Variants in RIMBP2 observed in about 807,000 individuals in gnomAD.
RIMBP2 encodes the protein RIMS-binding protein 2.
A neutral mutation model predicts 118.6 loss-of-function variants in RIMBP2; 48 were observed. The ratio of observed to expected loss-of-function variants is 0.40; its 90% CI spans 0.32 to 0.51. RIMBP2 has a LOEUF of 0.51. RIMBP2 is among the 20% of genes least tolerant of loss of function. The pLI, the probability that RIMBP2 is intolerant of heterozygous loss-of-function variation, is 0.41. For synonymous variants in RIMBP2, 762 were observed against 742.9 expected, an observed-to-expected ratio of 1.03 and a Z score of -0.42; for missense variants, 1,551 against 1,768.3, an observed-to-expected ratio of 0.88 and a Z score of 2.20.
intron 4 of RIMBP2, among the ~76,000 whole-genome samples, chr12:130,489,834 T>C (rs2048456982): frequency 6.6e-6 from 1 of 152,138 alleles, no homozygotes; most frequent in Non-Finnish European, 1.5e-5. Flanking sequence ...TGATGACACA[T>C]TTCTATCACT....
In RIMBP2 at chr12:130,630,272, TACAG is replaced by T. The variant is rs559620906; in HGVS notation, c.-351-1820_-351-1817del. Among the ~76,000 whole-genome samples the T allele has an allele frequency of 1.1e-4, 17 of 151,704 alleles. No individual in the cohort carries two copies. The East Asian group carries it at 1.7e-3, about 16-fold the overall frequency. On this transcript the variant is annotated intron_variant, in intron 1 of 22. Transcript: ENST00000690449. ...ATCAGCTGACTGATGCCCAGCCAAC[TACAG>T]AAAGAGTTATTGTCAAGTTAATTAA...
intron 1 of RIMBP2, among the ~76,000 whole-genome samples, chr12:130,661,648 A>T (rs11829654): frequency 0.3 from 45,750 of 151,990 alleles, 7,200 homozygotes; most frequent in Middle Eastern, 0.37. Flanking sequence ...ACTACACGCA[A>T]TGACCCTATC....
At chr12:130,414,062 G>GC in intron 18 of RIMBP2, 63 bp downstream of exon 18, 1 of 1,532,938 alleles carries the variant, frequency 6.5e-7, no homozygotes, top group Non-Finnish European at 9.0e-7. Flanking sequence ...GCCAGTCTCT[G>GC]CCCCCATGAC....
At chr12:130,441,123 G>A (rs1405635486) in intron 11 of RIMBP2, among the ~76,000 whole-genome samples, 1 of 152,132 alleles carries the variant, frequency 6.6e-6, no homozygotes, top group Non-Finnish European at 1.5e-5. Flanking sequence ...AGCCACGTAT[G>A]CATGCTTAGA....
Position 130,507,146 on chromosome 12 carries a change from C to T in RIMBP2, c.-126-376G>A, listed in dbSNP as rs185710811. Among the ~76,000 whole-genome samples the T allele has an allele frequency of 1.2e-3, 185 of 152,244 alleles. 1 individual carries two copies. Among genetic ancestry groups the T allele is most frequent in the Non-Finnish European group, 2.3e-3 (159 of 68,010 alleles). On this transcript the variant is annotated intron_variant, in intron 3 of 22. Transcript: ENST00000690449. ...GAGATCTTGCACTTGTATAGGAACCCGGAAGAACTCTCCCTTTTGCCCACT... is the reference window on the plus strand; with the variant it reads ...GAGATCTTGCACTTGTATAGGAACCTGGAAGAACTCTCCCTTTTGCCCACT...
At chr12:130,679,629 G>A (rs979776715) in intron 1 of RIMBP2, among the ~76,000 whole-genome samples, 4 of 152,166 alleles carry the variant, frequency 2.6e-5, no homozygotes, top group African/African-American at 7.2e-5. Flanking sequence ...CAGCTGAGAC[G>A]GCTGTGATGT....
rs550281764 is a variant in RIMBP2, at chr12:130,581,391, T to C, written c.-217+46931A>G. On this transcript the variant is annotated intron_variant, in intron 2 of 22. Transcript: ENST00000690449. This position sits in a 1 kb window ranked among gnomAD's most constrained non-coding sequence, Gnocchi z 4.4. ...TGCTGTCTTAAGAGTTGATTTTACATAAACTCCAAAAGTTCCATCTCCATC... is the reference window on the plus strand; with the variant it reads ...TGCTGTCTTAAGAGTTGATTTTACACAAACTCCAAAAGTTCCATCTCCATC... 6.6e-6 allele frequency among the ~76,000 whole-genome samples: 1 copy of C among 152,326 alleles called. No homozygotes were observed. Among genetic ancestry groups the C allele is most frequent in the African/African-American group, 2.4e-5 (1 of 41,570 alleles).
chr12:130,493,349 C>G (rs1484825045), intron 4 of RIMBP2, among the ~76,000 whole-genome samples: 1 of 152,060 alleles, frequency 6.6e-6, no homozygotes, highest in Admixed American at 6.5e-5. Flanking sequence ...GAATCTCGCT[C>G]TGTTGCCCAG....
intron 11 of RIMBP2, 83 bp from the exon 12 acceptor site, chr12:130,438,599 T>C (rs925978087): frequency 9.4e-6 from 12 of 1,274,798 alleles, no homozygotes; most frequent in Non-Finnish European, 1.1e-5. Context: ...CCATCTCACC[T>C]GGAAACGAGA....
intron 3 of RIMBP2, among the ~76,000 whole-genome samples, chr12:130,513,921 CTG>C (rs1396692959): frequency 1.3e-5 from 2 of 152,236 alleles, no homozygotes; most frequent in Non-Finnish European, 2.9e-5. Context: ...CAGAAGGACA[CTG>C]TTGTTTCTGC....
chr12:130,407,453 G>T (rs1028622984), intron 20 of RIMBP2, among the ~76,000 whole-genome samples: 4 of 152,194 alleles, frequency 2.6e-5, no homozygotes, highest in African/African-American at 9.7e-5. Context: ...CATTAGATGT[G>T]GATGACAGAT....
chr12:130,712,036 G>T (rs1949954582), intron 1 of RIMBP2, among the ~76,000 whole-genome samples: 1 of 152,186 alleles, frequency 6.6e-6, no homozygotes, highest in Admixed American at 6.5e-5. Context: ...AGATCTAAAA[G>T]ATAAAGCATG....
chr12:130,455,029 T>TCGGTGGGCA (rs2079303712), intron 7 of RIMBP2, among the ~76,000 whole-genome samples: 1 of 152,218 alleles, frequency 6.6e-6, no homozygotes, highest in African/African-American at 2.4e-5. Flanking sequence ...GTCTGGAGCT[T>TCGGTGGGCA]CGGTGGGCAC....
chr12:130,632,649 T>A (rs1222833770), intron 1 of RIMBP2, among the ~76,000 whole-genome samples: 1 of 152,192 alleles, frequency 6.6e-6, no homozygotes, highest in Admixed American at 6.5e-5. Flanking sequence ...CTCACCAGGC[T>A]GACTGGAGAG....
intron 1 of RIMBP2, among the ~76,000 whole-genome samples, chr12:130,714,841 G>C (rs1205332197): frequency 6.6e-6 from 1 of 152,226 alleles, no homozygotes; most frequent in Non-Finnish European, 1.5e-5. Flanking sequence ...CAGCCCAGCG[G>C]GGGATGAGTC....
At chr12:130,690,110 G>A (rs1024940669) in intron 1 of RIMBP2, among the ~76,000 whole-genome samples, 4 of 152,166 alleles carry the variant, frequency 2.6e-5, no homozygotes, top group African/African-American at 9.7e-5. Context: ...AGCAAGGGCG[G>A]GTCAAGTCCT....
intron 1 of RIMBP2, among the ~76,000 whole-genome samples, chr12:130,642,053 C>G (rs2062646100): frequency 6.6e-6 from 1 of 152,146 alleles, no homozygotes; most frequent in Admixed American, 6.5e-5. Flanking sequence ...GAGTCAAAGC[C>G]ACGTCTCTGG....
intron 2 of RIMBP2, among the ~76,000 whole-genome samples, chr12:130,615,844 G>A (rs2060896188): frequency 6.6e-6 from 1 of 152,100 alleles, no homozygotes; most frequent in East Asian, 1.9e-4. Context: ...TTCCTGTGGT[G>A]GTTGGCACCG....
At position 130,525,239 on chromosome 12, in the gene RIMBP2, G is replaced by C. The variant is rs1032142067; in HGVS notation, c.-216-7322C>G. On this transcript the variant is annotated intron_variant, in intron 2 of 22. Coordinates refer to ENST00000690449, the MANE Select transcript of RIMBP2 (RefSeq NM_001393629.1). This position sits in a 1 kb window ranked among gnomAD's most constrained non-coding sequence, Gnocchi z 4.4. ...CTTTTCTAGGAGCTGAGTGACCAGA[G>C]CCTTGAGAGTGGGGACCGGCAGGTC... 2.0e-5 allele frequency among the ~76,000 whole-genome samples: 3 copies of C among 152,228 alleles called. No homozygotes were observed. Among genetic ancestry groups the C allele is most frequent in the Admixed American group, 2.0e-4 (3 of 15,292 alleles).
Sources: gnomAD v4.1 joint callset for allele counts (sites outside exome capture counted in the v4.1 genomes callset) on GRCh38, gnomAD v4.1.1 for gene constraint, Gnocchi (gnomAD v3.1) non-coding constraint, MANE v1.5 for transcripts, NCBI Gene and HGNC (gene_info 2026-07-23, HGNC 2026-07-21) for gene names.